Variants in HAAO observed in about 807,000 individuals in gnomAD.
HAAO encodes the protein 3-hydroxyanthranilate 3,4-dioxygenase.
In HAAO, 49 loss-of-function variants were observed where a neutral mutation model predicts 46.2. That is an observed-to-expected ratio of 1.06 (90% CI 0.84 to 1.34). HAAO has a LOEUF of 1.34. Among genes scored for constraint, HAAO ranks in the 40% most tolerant of loss-of-function variants. HAAO has a pLI of 0.00. For missense variants in HAAO, 408 were observed against 364.5 expected, an observed-to-expected ratio of 1.12 and a Z score of -0.97; for synonymous variants, 157 against 145.2, an observed-to-expected ratio of 1.08 and a Z score of -0.58.
At chr2:42,780,570 G>GA (rs1009944310) in intron 4 of HAAO, among the ~76,000 whole-genome samples, 1 of 151,986 alleles carries the variant, frequency 6.6e-6, no homozygotes, top group African/African-American at 2.4e-5. Flanking sequence ...GAATAGAGAA[G>GA]AAAAACTTTC....
At chr2:42,781,899 G>T (rs998003635) in intron 4 of HAAO, among the ~76,000 whole-genome samples, 2 of 151,994 alleles carry the variant, frequency 1.3e-5, no homozygotes, top group Admixed American at 1.3e-4. Context: ...TATTCTTGCT[G>T]CACTGTATAC....
Position 42,792,446 on chromosome 2 carries a change from G to C in HAAO, c.80+11C>G, listed in dbSNP as rs774510148. ...GAGGGCAGGGGGCGGCCATGGGGGTGCTGGACTCACATGAGCTTGTTGCAG... is the reference window on the plus strand; with the variant it reads ...GAGGGCAGGGGGCGGCCATGGGGGTCCTGGACTCACATGAGCTTGTTGCAG... On this transcript the variant is annotated intron_variant, in intron 1 of 9. Coordinates refer to ENST00000294973, the MANE Select transcript of HAAO (RefSeq NM_012205.3). 1.3e-6 allele frequency: 2 copies of C among 1,547,108 alleles called. No homozygotes were observed. Among genetic ancestry groups the C allele is most frequent in the Non-Finnish European group, 1.8e-6 (2 of 1,138,082 alleles).
intron 1 of HAAO, among the ~76,000 whole-genome samples, chr2:42,790,194 CT>C (rs1239404116): frequency 6.6e-6 from 1 of 152,194 alleles, no homozygotes; most frequent in Admixed American, 6.5e-5. Flanking sequence ...AGTCTCTTTC[CT>C]TTTCCTTCCC....
In HAAO at chr2:42,783,392, TG is replaced by T; in HGVS notation, c.271del (p.His91ThrfsTer23). 6.2e-7 allele frequency: 1 copy of T among 1,612,380 alleles called. No homozygotes were observed. The highest frequency in any genetic ancestry group is 8.5e-7 in the Non-Finnish European group (1 of 1,178,820). On this transcript the variant is annotated frameshift_variant, in exon 4 of 10. Coordinates refer to ENST00000294973, the MANE Select transcript of HAAO (RefSeq NM_012205.3). LOFTEE classifies it high-confidence loss of function. ...GGTGTTGGCAAACCTCTGTGGTGAG[TG>T]GGGCACCCTGGCAGGCAGGAGGAAT... ...EIFLLPARVPHSPQRFANTVG... is the reference protein window; with the variant it reads ...EIFLLPARVPXSPQRFANTVG...
chr2:42,783,533 C>G (rs1035142048), intron 3 of HAAO, 113 bp from the exon 4 acceptor site: 4 of 717,290 alleles, frequency 5.6e-6, no homozygotes, highest in African/African-American at 5.2e-5. Flanking sequence ...AGGGGTACTG[C>G]TTGTCTACCC....
intron 6 of HAAO, 99 bp downstream of exon 6, chr2:42,770,044 G>A: frequency 8.3e-7 from 1 of 1,200,150 alleles, no homozygotes; most frequent in South Asian, 1.3e-5. Context: ...GGACTGGGCA[G>A]AGTATTCAAA....
intron 4 of HAAO, among the ~76,000 whole-genome samples, chr2:42,771,889 GC>G (rs922277495): frequency 1.3e-5 from 2 of 152,252 alleles, no homozygotes; most frequent in African/African-American, 2.4e-5. Flanking sequence ...GATGGAGCTG[GC>G]CACCAGAAAG....
intron 2 of HAAO, among the ~76,000 whole-genome samples, chr2:42,787,566 G>A (rs1280460713): frequency 2.0e-5 from 3 of 152,166 alleles, no homozygotes; most frequent in African/African-American, 7.2e-5. Flanking sequence ...TGCTGGCCCA[G>A]GGCCCATCGT....
At chr2:42,780,320 G>T (rs1300090756) in intron 4 of HAAO, among the ~76,000 whole-genome samples, 1 of 151,102 alleles carries the variant, frequency 6.6e-6, no homozygotes, top group Non-Finnish European at 1.5e-5. Context: ...TGATTCTCCT[G>T]CCTCAGCCTC....
Position 42,767,882 on chromosome 2 carries a change from A to G in HAAO, c.677T>C (p.Val226Ala), listed in dbSNP as rs1670788477. 4 of 1,614,050 alleles carry G rather than the reference A, an allele frequency of 2.5e-6. No homozygotes were observed. Among genetic ancestry groups the G allele is most frequent in the Non-Finnish European group, 3.4e-6 (4 of 1,179,902 alleles). ...QGSSEGLRQN[V>A]DVWLWQLEGS... ...TGCCAGCTGCCACAGCCACACGTCC[A>G]CATTCTGTCTCAGGCCTTCGCTGCT... Residue 226 changes from valine to alanine, a missense_variant, in exon 8 of 10, where the codon GTG becomes GCG. By Grantham distance (64) the Val-to-Ala change is moderately conservative. Coordinates refer to ENST00000294973, the MANE Select transcript of HAAO (RefSeq NM_012205.3).
chr2:42,790,649 G>T (rs1462818986), intron 1 of HAAO, among the ~76,000 whole-genome samples: 1 of 151,510 alleles, frequency 6.6e-6, no homozygotes, highest in East Asian at 2.0e-4. Context: ...CTCCTGCCTC[G>T]GCCTCCTGAG....
intron 4 of HAAO, among the ~76,000 whole-genome samples, chr2:42,781,874 CAAA>C: frequency 6.9e-6 from 1 of 143,886 alleles, no homozygotes; most frequent in East Asian, 2.0e-4. Context: ...AACTTTGTCT[CAAA>C]AAAAAAAAAA....
chr2:42,774,899 G>A (rs779915315), intron 4 of HAAO, among the ~76,000 whole-genome samples: 3 of 151,970 alleles, frequency 2.0e-5, no homozygotes, highest in Non-Finnish European at 4.4e-5. Flanking sequence ...TCCAAATTAT[G>A]GGAAACAAGG....
chr2:42,776,295 A>C (rs1360876826), intron 4 of HAAO, among the ~76,000 whole-genome samples: 2 of 137,210 alleles, frequency 1.5e-5, no homozygotes, highest in Non-Finnish European at 3.0e-5. Flanking sequence ...GCTGGAATGC[A>C]ATGGTATGAT....
At chr2:42,790,005 A>G (rs1298378082) in intron 1 of HAAO, among the ~76,000 whole-genome samples, 1 of 152,166 alleles carries the variant, frequency 6.6e-6, no homozygotes, top group Non-Finnish European at 1.5e-5. Context: ...CCATTTGTAC[A>G]CACAGGGCAC....
chr2:42,770,547 TCAAA>T lies in HAAO; in HGVS notation c.382_385del (p.Phe128ArgfsTer44), dbSNP rs1447180691. ...GAGGTCCTTGCAGTAGAACCACTTC[TCAAA>T]CAGAACGTCCATGGTGTCGCCCACA... On this transcript the variant is annotated frameshift_variant, in exon 5 of 10. Coordinates refer to ENST00000294973, the MANE Select transcript of HAAO (RefSeq NM_012205.3). LOFTEE classifies it high-confidence loss of function. 2.6e-5 allele frequency: 40 copies of T among 1,553,166 alleles called. No individual in the cohort carries two copies. Among genetic ancestry groups the T allele is most frequent in the Non-Finnish European group, 3.4e-5 (39 of 1,147,828 alleles).
chr2:42,783,523 AG>A, intron 3 of HAAO, 103 bp from the exon 4 acceptor site: 1 of 760,522 alleles, frequency 1.3e-6, no homozygotes, highest in Non-Finnish European at 2.2e-6. Context: ...CGGGCAGCAA[AG>A]GGGTACTGCT....
intron 2 of HAAO, among the ~76,000 whole-genome samples, chr2:42,788,307 C>T (rs970447388): frequency 2.6e-5 from 4 of 152,196 alleles, no homozygotes; most frequent in Non-Finnish European, 4.4e-5. Context: ...TCCTGGGGCT[C>T]CCCCAGCAGA....
chr2:42,777,574 A>G (rs1021994022), intron 4 of HAAO, among the ~76,000 whole-genome samples: 8 of 152,256 alleles, frequency 5.3e-5, no homozygotes, highest in South Asian at 4.1e-4. Context: ...AGGTCAAATC[A>G]TTTTCACTGT....
Sources: allele counts gnomAD v4.1 joint callset (sites outside exome capture counted in the v4.1 genomes callset), GRCh38; gene constraint gnomAD v4.1.1; transcripts MANE v1.5; gene names NCBI Gene and HGNC (gene_info 2026-07-23, HGNC 2026-07-21).